Variants in FAM186B observed in about 807,000 individuals in gnomAD.
FAM186B encodes family with sequence similarity 186 member B.
In FAM186B, 68 loss-of-function variants were observed where a neutral mutation model predicts 83.4. The observed-to-expected ratio is 0.81, with a 90% CI of 0.67 to 1.00. The LOEUF is 1.00. Among genes scored for constraint, FAM186B ranks in the 50% least tolerant of loss-of-function variants. The probability of loss-of-function intolerance (pLI) is 0.00; values close to 1 mark genes in which losing one functional copy is unlikely to be tolerated. For synonymous variants in FAM186B, 389 were observed against 422.0 expected, an observed-to-expected ratio of 0.92 and a Z score of 0.96; for missense variants, 983 against 1,099.2, an observed-to-expected ratio of 0.89 and a Z score of 1.49.
chr12:49,605,445 A>T lies in FAM186B; in HGVS notation c.33T>A (p.Thr11=). The change falls in exon 1 of 7, where the codon ACT becomes ACA. Residue 11 remains threonine, a synonymous_variant. Coordinates refer to ENST00000257894, the MANE Select transcript of FAM186B (RefSeq NM_032130.3). MEKDDPPQLV[T]PTSVKAIILR... ...GGATGATGGCTTTCACTGATGTGGG[A>T]GTCACCAACTGTGGGGGGTCATCCT... is the stretch of plus-strand genomic sequence containing the variant. 6.2e-7 allele frequency: 1 copy of T among 1,613,846 alleles called. No homozygotes were observed. The highest frequency in any genetic ancestry group is 8.5e-7 in the Non-Finnish European group (1 of 1,179,916).
chr12:49,600,483 G>C lies in FAM186B; in HGVS notation c.1157C>G (p.Ala386Gly). 6.2e-7 allele frequency: 1 copy of C among 1,613,804 alleles called. No homozygotes were observed. The highest frequency in any genetic ancestry group is 8.5e-7 in the Non-Finnish European group (1 of 1,179,836). ...GGTGGAAAGTGGCTGGTGCCCTGCA[G>C]CTATAGCACCACTGTCCCGTATCAT... ...MAMIRDSGAI[A>G]AGHQPLSTMT... The change falls in exon 4 of 7, where the codon GCT becomes GGT. Residue 386 changes from alanine to glycine, a missense_variant. Coordinates refer to ENST00000257894, the MANE Select transcript of FAM186B (RefSeq NM_032130.3). This position sits in a 1 kb window ranked among gnomAD's most constrained non-coding sequence, Gnocchi z 4.3.
At chr12:49,590,115 A>C (rs1478286096) in intron 5 of FAM186B, among the ~76,000 whole-genome samples, 1 of 151,506 alleles carries the variant, frequency 6.6e-6, no homozygotes, top group Non-Finnish European at 1.5e-5. Flanking sequence ...TTTAAATGTC[A>C]GAAGTTTCAA....
the FAM186B span, among the ~76,000 whole-genome samples, chr12:49,610,950 A>C: frequency 1.3e-5 from 2 of 151,968 alleles, no homozygotes; most frequent in Non-Finnish European, 2.9e-5. Context: ...AATTTTTAAA[A>C]ATGAACAAGG....
chr12:49,589,020 A>G (rs990309900), intron 5 of FAM186B, among the ~76,000 whole-genome samples: 4 of 152,136 alleles, frequency 2.6e-5, no homozygotes. Flanking sequence ...CTGGGTGAGG[A>G]GCTGGGGGAA....
At chr12:49,603,138 C>T (rs1183979470) in intron 3 of FAM186B, 47 bp downstream of exon 3, 1 of 1,604,642 alleles carries the variant, frequency 6.2e-7, no homozygotes, top group African/African-American at 1.3e-5. Flanking sequence ...GCCATGGCTC[C>T]ACCCCGTCCC....
chr12:49,601,240 TG>T (rs1285558712), intron 3 of FAM186B, 106 bp from the exon 4 acceptor site: 4 of 1,430,706 alleles, frequency 2.8e-6, no homozygotes, highest in Non-Finnish European at 2.8e-6. Context: ...CTTAGGGATT[TG>T]GCGAGAGTAG....
chr12:49,612,660 T>C, the FAM186B span, among the ~76,000 whole-genome samples: 1 of 152,070 alleles, frequency 6.6e-6, no homozygotes, highest in African/African-American at 2.4e-5. Flanking sequence ...AGATAAAGGA[T>C]TCAATTCAAC....
Position 49,600,827 on chromosome 12 carries a change from C to T in FAM186B, c.813G>A (p.Glu271=). Residue 271 remains glutamate (E), a synonymous_variant, in exon 4 of 7, where the codon GAG becomes GAA. Coordinates refer to ENST00000257894, the MANE Select transcript of FAM186B (RefSeq NM_032130.3). This position sits in a 1 kb window ranked among gnomAD's most constrained non-coding sequence, Gnocchi z 4.3. ...YRHLQMQATK[E]LSSQRLHFQQ... is the part of the protein sequence containing the mutation. ...GGAAGTGCAGCCTCTGGCTGCTGAG[C>T]TCTTTGGTCGCCTGCATTTGCAGGT... 6.2e-7 allele frequency: 1 copy of T among 1,612,170 alleles called. No individual in the cohort carries two copies. The highest frequency in any genetic ancestry group is 8.5e-7 in the Non-Finnish European group (1 of 1,179,216).
chr12:49,588,711 C>A, intron 5 of FAM186B, 88 bp from the exon 6 acceptor site: 1 of 1,371,068 alleles, frequency 7.3e-7, no homozygotes. Context: ...TGTTGGTGCC[C>A]CTGCTGGACT....
chr12:49,607,994 C>G (rs920139488), upstream of FAM186B, among the ~76,000 whole-genome samples: 2 of 151,740 alleles, frequency 1.3e-5, no homozygotes, highest in Admixed American at 6.6e-5. Flanking sequence ...GCCACCGCAC[C>G]CAGCTGAGGT....
chr12:49,585,596 G>A (rs1191185862), downstream of FAM186B, among the ~76,000 whole-genome samples: 1 of 152,258 alleles, frequency 6.6e-6, no homozygotes, highest in Non-Finnish European at 1.5e-5. Flanking sequence ...CACATGCCGA[G>A]AGGACGCCCC....
chr12:49,614,989 G>T, the FAM186B span, among the ~76,000 whole-genome samples: 4 of 152,088 alleles, frequency 2.6e-5, no homozygotes, highest in Non-Finnish European at 5.9e-5. Context: ...TTAGCCAGGC[G>T]TGGGGGCGGG....
chr12:49,585,631 G>A (rs576711269), downstream of FAM186B, among the ~76,000 whole-genome samples: 3 of 152,328 alleles, frequency 2.0e-5, no homozygotes, highest in South Asian at 2.1e-4. Context: ...TGAACAGGCC[G>A]TCAGTGCTAG....
At chr12:49,585,735 C>T (rs563353127), downstream of FAM186B, among the ~76,000 whole-genome samples, 8 of 152,244 alleles carry the variant, frequency 5.3e-5, no homozygotes, top group South Asian at 2.1e-4. Context: ...CCGGTGAGGT[C>T]GGCAGGACCA....
intron 5 of FAM186B, 92 bp downstream of exon 5, chr12:49,598,661 CCA>C (rs1331945975): frequency 1.7e-6 from 2 of 1,165,760 alleles, no homozygotes; most frequent in African/African-American, 3.1e-5. Flanking sequence ...GCAGTCTCAG[CCA>C]CATCCCCACG....
rs1454422138 is a variant in FAM186B at position 49,601,141 on chromosome 12, C to T, written c.506-7G>A. 9 of 1,535,072 alleles carry T rather than the reference C, an allele frequency of 5.9e-6. No homozygotes were observed. On this transcript the variant is annotated splice_polypyrimidine_tract_variant and splice_region_variant and intron_variant, in intron 3 of 6. Coordinates refer to ENST00000257894, the MANE Select transcript of FAM186B (RefSeq NM_032130.3). ...CAGAAGGTGCGTTTGGACACTGGGA[C>T]AGGTAGAGAGAAAAAAGTCAACGAT...
intron 1 of FAM186B, 171 bp downstream of exon 1, chr12:49,605,211 G>T: frequency 6.9e-7 from 1 of 1,445,662 alleles, no homozygotes; most frequent in Non-Finnish European, 9.1e-7. Context: ...CCCTGTATAT[G>T]CCAAGTTTAG....
At position 49,600,676 on chromosome 12, in the gene FAM186B, G is replaced by C. The variant is rs374360528; in HGVS notation, c.964C>G (p.Gln322Glu). Residue 322 changes from glutamine to glutamate, a missense_variant, in exon 4 of 7, where the codon CAG becomes GAG. Coordinates refer to ENST00000257894, the MANE Select transcript of FAM186B (RefSeq NM_032130.3). The surrounding 1 kb of genome is among the most constrained non-coding windows in gnomAD (Gnocchi z 4.3). ...QALEFQLKKA[Q>E]NATGQAEDLA... ...TCTTCTGCCTGACCTGTAGCATTCT[G>C]AGCCTTCTTCAGCTGGAACTCCAAG... The C allele has an allele frequency of 1.2e-6, 2 of 1,614,016 alleles. No homozygotes were observed. The highest frequency in any genetic ancestry group is 1.7e-6 in the Non-Finnish European group (2 of 1,180,042).
chr12:49,592,762 GGAGA>G, intron 5 of FAM186B, among the ~76,000 whole-genome samples: 1 of 152,142 alleles, frequency 6.6e-6, no homozygotes, highest in East Asian at 1.9e-4. Context: ...CTCCAGCTTA[GGAGA>G]GAGAGAAAGA....
Sources: gnomAD v4.1 joint callset for allele counts (sites outside exome capture counted in the v4.1 genomes callset) on GRCh38, gnomAD v4.1.1 for gene constraint, Gnocchi (gnomAD v3.1) non-coding constraint, MANE v1.5 for transcripts, NCBI Gene and HGNC (gene_info 2026-07-23, HGNC 2026-07-21) for gene names.